Variants in EVC observed in about 807,000 individuals in gnomAD.
EVC encodes evC complex member EVC.
In EVC, 116 loss-of-function variants were observed where a neutral mutation model predicts 118.9. The ratio of observed to expected loss-of-function variants is 0.98; its 90% CI spans 0.84 to 1.14. The LOEUF is 1.14. EVC is among the 50% of genes most tolerant of loss of function. The pLI, the probability that EVC is intolerant of heterozygous loss-of-function variation, is 0.00. For synonymous variants in EVC, 619 were observed against 534.7 expected, an observed-to-expected ratio of 1.16 and a Z score of -2.18; for missense variants, 1,401 against 1,246.4, an observed-to-expected ratio of 1.12 and a Z score of -1.87.
chr4:5,719,235 C>A lies in EVC; in HGVS notation c.175-13C>A. 6.2e-7 allele frequency: 1 copy of A among 1,614,130 alleles called. No individual in the cohort carries two copies. Among genetic ancestry groups the A allele is most frequent in the Non-Finnish European group, 8.5e-7 (1 of 1,180,004 alleles). ...TTTCTATCCACCCCCAACTCCTGAC[C>A]TTCGGGTTTTAGAAAGACGACACTC... On this transcript the variant is annotated splice_polypyrimidine_tract_variant and intron_variant, in intron 1 of 20. Coordinates refer to ENST00000264956, the MANE Select transcript of EVC (RefSeq NM_153717.3). This position sits in a 1 kb window ranked among gnomAD's most constrained non-coding sequence, Gnocchi z 4.7.
At chr4:5,777,271 T>G (rs530907202) in intron 11 of EVC, among the ~76,000 whole-genome samples, 1 of 152,312 alleles carries the variant, frequency 6.6e-6, no homozygotes, top group African/African-American at 2.4e-5. Flanking sequence ...TCTAAATAAC[T>G]TGACTCCAGG....
intron 18 of EVC, among the ~76,000 whole-genome samples, chr4:5,808,936 G>A (rs185782980): frequency 7.2e-5 from 11 of 152,312 alleles, no homozygotes; most frequent in Non-Finnish European, 8.8e-5. Context: ...GATGGCAGTC[G>A]CAGAGTGACA....
intron 6 of EVC, among the ~76,000 whole-genome samples, chr4:5,744,591 A>G (rs1433628836): frequency 6.6e-6 from 1 of 152,188 alleles, no homozygotes; most frequent in African/African-American, 2.4e-5. Flanking sequence ...ATGCACAGCT[A>G]TCATGGCTTC....
At chr4:5,767,569 C>T (rs1733127663) in intron 11 of EVC, among the ~76,000 whole-genome samples, 1 of 151,126 alleles carries the variant, frequency 6.6e-6, no homozygotes, top group Non-Finnish European at 1.5e-5. Flanking sequence ...GGGCATAGGA[C>T]CCTCCGAGCC....
Position 5,731,897 on chromosome 4 carries a change from C to T in EVC, c.617+240C>T, listed in dbSNP as rs1031450584. 5.9e-5 allele frequency among the ~76,000 whole-genome samples: 9 copies of T among 152,120 alleles called. No individual in the cohort carries two copies. Among genetic ancestry groups the T allele is most frequent in the African/African-American group, 9.7e-5 (4 of 41,442 alleles). On this transcript the variant is annotated intron_variant, in intron 4 of 20. Transcript: ENST00000264956. This position sits in a 1 kb window ranked among gnomAD's most constrained non-coding sequence, Gnocchi z 5.6. ...CCCCGGGGAGAGATGACAGGGAGGC[C>T]TCATTTAATCACTGGCGTGCTCCCA...
At chr4:5,764,216 G>A (rs367898091) in intron 11 of EVC, among the ~76,000 whole-genome samples, 34 of 139,474 alleles carry the variant, frequency 2.4e-4, no homozygotes, top group Admixed American at 7.0e-4. Context: ...ATTGATTTGC[G>A]TATATTGAAC....
In EVC at chr4:5,811,698, A is replaced by T. The variant is rs1716927349; in HGVS notation, c.*661A>T. Reference sequence around the variant, plus strand: ...GACCAGCCCTTCACACACCACAGCCAGGAGGGGCCTTTCCCACCTGGAGAG... The same window carrying T: ...GACCAGCCCTTCACACACCACAGCCTGGAGGGGCCTTTCCCACCTGGAGAG... On this transcript the variant is annotated 3_prime_UTR_variant, in exon 21 of 21. Coordinates refer to ENST00000264956, the MANE Select transcript of EVC (RefSeq NM_153717.3). 6.4e-6 allele frequency: 1 copy of T among 156,478 alleles called. No individual in the cohort carries two copies. The highest frequency in any genetic ancestry group is 2.4e-5 in the African/African-American group (1 of 41,290). 9.7% of individuals were successfully genotyped at this position (156,478 alleles called of 1,614,324 possible). A position where few individuals can be genotyped will look rare whatever the true frequency, so the allele number is the denominator to read the frequency against.
In EVC at chr4:5,729,395, G is replaced by T; in HGVS notation, c.384+5G>T. 1 of 1,613,854 alleles carries T rather than the reference G, an allele frequency of 6.2e-7. No homozygotes were observed. Among genetic ancestry groups the T allele is most frequent in the Non-Finnish European group, 8.5e-7 (1 of 1,179,780 alleles). ...CCCATCAATCAGAAGTTCCGGGTGA[G>T]AGTCCTGAGCTCCATCATAGAAAGC... is the stretch of plus-strand genomic sequence containing the variant. On this transcript the variant is annotated splice_donor_5th_base_variant and intron_variant, in intron 3 of 20. Coordinates refer to ENST00000264956, the MANE Select transcript of EVC (RefSeq NM_153717.3).
chr4:5,752,306 G>T (rs1460383851), intron 8 of EVC, among the ~76,000 whole-genome samples: 3 of 152,188 alleles, frequency 2.0e-5, no homozygotes, highest in African/African-American at 7.2e-5. Flanking sequence ...AAATGATGAG[G>T]TGGGGCTGGG....
rs568604070 is a variant in EVC, at chr4:5,720,071, C to G, written c.300+698C>G. Among the ~76,000 whole-genome samples, 9 of 152,260 alleles carry G rather than the reference C, an allele frequency of 5.9e-5. No individual in the cohort carries two copies. The East Asian group carries it at 9.7e-4, about 16-fold the overall frequency. ...TATTTGTTCCTGCCTTCCTGGAACC[C>G]TTCCTCTATCCACAGAACATCGCTT... On this transcript the variant is annotated intron_variant, in intron 2 of 20. Coordinates refer to ENST00000264956, the MANE Select transcript of EVC (RefSeq NM_153717.3).
At chr4:5,735,990 G>T (rs1017391729) in intron 5 of EVC, among the ~76,000 whole-genome samples, 2 of 152,058 alleles carry the variant, frequency 1.3e-5, no homozygotes, top group African/African-American at 4.8e-5. Flanking sequence ...GATGAGCTGG[G>T]GTTCAGAAGT....
intron 8 of EVC, among the ~76,000 whole-genome samples, chr4:5,750,625 T>C (rs757568575): frequency 7.2e-5 from 11 of 152,192 alleles, no homozygotes; most frequent in Non-Finnish European, 1.5e-4. Flanking sequence ...ATGGGGGCTA[T>C]GATAGCACCT....
chr4:5,711,260 A>G lies in EVC; in HGVS notation c.-121A>G, dbSNP rs540613053. ...GGAGTCGGGAGACTGCACAGGCCAG[A>G]AAGTCTGCGGAGCGGGCCGCGCCCC... On this transcript the variant is annotated 5_prime_UTR_variant, in exon 1 of 21. Transcript: ENST00000264956. 2 of 618,922 alleles carry G rather than the reference A, an allele frequency of 3.2e-6. No individual in the cohort carries two copies. The highest frequency in any genetic ancestry group is 4.0e-6 in the Non-Finnish European group (2 of 494,462). 38.3% of individuals were successfully genotyped at this position (618,922 alleles called of 1,614,324 possible). A position where few individuals can be genotyped will look rare whatever the true frequency, so the allele number is the denominator to read the frequency against.
chr4:5,826,395 G>A, the EVC span: 3 of 153,004 alleles, frequency 2.0e-5, no homozygotes, highest in African/African-American at 7.2e-5. Context: ...AGAAAACTCA[G>A]TACAGAGGGA....
At chr4:5,777,903 A>G (rs1734951400) in intron 11 of EVC, among the ~76,000 whole-genome samples, 1 of 152,066 alleles carries the variant, frequency 6.6e-6, no homozygotes, top group Non-Finnish European at 1.5e-5. Context: ...TTAGTTACGT[A>G]TGGATACATG....
rs1203769347 is a variant in EVC at position 5,811,363 on chromosome 4, T to G, written c.*326T>G. On this transcript the variant is annotated 3_prime_UTR_variant, in exon 21 of 21. Transcript: ENST00000264956. ...CGAGCCTCAGGCCAAGGACCCCTGA[T>G]GCAGACTCTGGAATCCCTGGCCCAA... The G allele has an allele frequency of 2.7e-6, 1 of 364,594 alleles. No individual in the cohort carries two copies. The highest frequency in any genetic ancestry group is 2.1e-5 in the African/African-American group (1 of 47,722). The allele number at this position is 364,594 out of a possible 1,614,324, so 22.6% of individuals were successfully genotyped here. A position where few individuals can be genotyped will look rare whatever the true frequency, so the allele number is the denominator to read the frequency against.
rs556673154 is a variant in EVC at position 5,732,303 on chromosome 4, G to A, written c.617+646G>A. ...AGGCCTCTCTCTGCTCCAAAATTCC[G>A]CTGAGTCCAAGAGGTGGGATGATCC... On this transcript the variant is annotated intron_variant, in intron 4 of 20. Transcript: ENST00000264956. Among the ~76,000 whole-genome samples the A allele has an allele frequency of 3.7e-4, 57 of 152,288 alleles. 1 individual carries two copies. The highest frequency in any genetic ancestry group is 1.2e-3 in the African/African-American group (50 of 41,564).
intron 11 of EVC, among the ~76,000 whole-genome samples, chr4:5,780,107 T>G (rs1735349033): frequency 6.6e-6 from 1 of 152,284 alleles, no homozygotes; most frequent in South Asian, 2.1e-4. Flanking sequence ...AATCATGTGG[T>G]TTTTGTCTTT....
chr4:5,825,559 G>A, the EVC span: 1 of 1,598,550 alleles, frequency 6.3e-7, no homozygotes, highest in Non-Finnish European at 8.5e-7. This position sits in a 1 kb window ranked among gnomAD's most constrained non-coding sequence, Gnocchi z 4.4. Flanking sequence ...AGAAGGCGAA[G>A]ATTTGGCTGA....
Sources: allele counts gnomAD v4.1 joint callset (sites outside exome capture counted in the v4.1 genomes callset), GRCh38; gene constraint gnomAD v4.1.1; non-coding constraint Gnocchi (gnomAD v3.1); transcripts MANE v1.5; gene names NCBI Gene and HGNC (gene_info 2026-07-23, HGNC 2026-07-21).